Variants in FRAS1 observed in about 807,000 individuals in gnomAD.
FRAS1 encodes extracellular matrix organizing protein FRAS1.
FRAS1 carries 290 observed loss-of-function variants against 435.2 expected under a neutral mutation model. The ratio of observed to expected loss-of-function variants is 0.67; its 90% CI spans 0.61 to 0.73. The LOEUF is 0.73. FRAS1 is among the 30% of genes least tolerant of loss of function. The pLI is 0.00. For missense variants in FRAS1, 4,860 were observed against 5,001.5 expected, an observed-to-expected ratio of 0.97 and a Z score of 0.85; for synonymous variants, 1,800 against 1,851.0, an observed-to-expected ratio of 0.97 and a Z score of 0.71.
At chr4:78,315,796 G>T in intron 16 of FRAS1, 62 bp downstream of exon 16, 1 of 1,569,524 alleles carries the variant, frequency 6.4e-7, no homozygotes, top group Non-Finnish European at 8.7e-7. Flanking sequence ...GACTATACTT[G>T]GTGTTATATG....
chr4:78,515,349 T>C (rs1262637096), intron 65 of FRAS1, among the ~76,000 whole-genome samples: 1 of 128,192 alleles, frequency 7.8e-6, no homozygotes, highest in Non-Finnish European at 1.7e-5. Context: ...TGAGATGGGG[T>C]CTCAAAAAAG....
chr4:78,321,462 C>T (rs564486554), intron 18 of FRAS1, among the ~76,000 whole-genome samples: 3 of 152,290 alleles, frequency 2.0e-5, no homozygotes, highest in Admixed American at 1.3e-4. Flanking sequence ...CATACTAATG[C>T]TTCAGGGTTA....
At chr4:78,281,351 A>C in intron 10 of FRAS1, 47 bp from the exon 11 acceptor site, 1 of 1,310,424 alleles carries the variant, frequency 7.6e-7, no homozygotes, top group Non-Finnish European at 1.1e-6. Context: ...TAATCAGCCT[A>C]ATGGTGTTTT....
chr4:78,494,718 G>GCAGA (rs1720463433), intron 59 of FRAS1, among the ~76,000 whole-genome samples: 11 of 152,062 alleles, frequency 7.2e-5, no homozygotes, highest in Admixed American at 7.2e-4. Context: ...TTTTACCTAT[G>GCAGA]CACTCTCAGC....
rs200344686 is a variant in FRAS1 at position 78,281,426 on chromosome 4, G to C, written c.1100G>C (p.Arg367Pro). The C allele has an allele frequency of 6.4e-7, 1 of 1,567,108 alleles. No individual in the cohort carries two copies. The highest frequency in any genetic ancestry group is 1.2e-5 in the South Asian group (1 of 81,942). The change falls in exon 11 of 74, where the codon CGT becomes CCT. Residue 367 changes from arginine to proline, a missense_variant. Coordinates refer to ENST00000512123, the MANE Select transcript of FRAS1 (RefSeq NM_025074.7). ...FMSSNASEVK[R>P]IPEGEKWEDG... is the part of the protein sequence containing the mutation. ...TCATCAAATGCTAGTGAAGTTAAAC[G>C]TATTCCAGTAAGTATAGCTTTTTAA...
chr4:78,361,219 A>G (rs986050504), intron 20 of FRAS1, among the ~76,000 whole-genome samples: 1 of 152,222 alleles, frequency 6.6e-6, no homozygotes, highest in Non-Finnish European at 1.5e-5. Flanking sequence ...TGCTCCTGGC[A>G]CTGTAAGGAA....
intron 30 of FRAS1, among the ~76,000 whole-genome samples, chr4:78,401,855 A>G (rs1380195041): frequency 1.3e-5 from 2 of 151,620 alleles, no homozygotes; most frequent in Non-Finnish European, 2.9e-5. Flanking sequence ...TTAATCTCAG[A>G]CCAATGATAT....
intron 20 of FRAS1, among the ~76,000 whole-genome samples, chr4:78,362,130 A>G (rs1731092905): frequency 6.6e-6 from 1 of 152,212 alleles, no homozygotes; most frequent in African/African-American, 2.4e-5. Flanking sequence ...TTACAGAGCT[A>G]CTGTGCACTA....
intron 15 of FRAS1, among the ~76,000 whole-genome samples, chr4:78,310,349 T>G (rs1190002244): frequency 2.6e-5 from 4 of 152,202 alleles, no homozygotes; most frequent in Admixed American, 6.5e-5. Context: ...CCACTGAGAC[T>G]CTACATTATC....
chr4:78,199,439 T>C (rs1722956581), intron 2 of FRAS1, among the ~76,000 whole-genome samples: 1 of 152,252 alleles, frequency 6.6e-6, no homozygotes, highest in African/African-American at 2.4e-5. Flanking sequence ...GTTTTCGATC[T>C]ATTTTTATGA....
chr4:78,172,674 A>G (rs1721607662), intron 2 of FRAS1, among the ~76,000 whole-genome samples: 1 of 152,134 alleles, frequency 6.6e-6, no homozygotes, highest in Non-Finnish European at 1.5e-5. Flanking sequence ...TAGTGCATGA[A>G]TAAATTAGTT....
chr4:78,197,228 T>C (rs1038152607), intron 2 of FRAS1, among the ~76,000 whole-genome samples: 1 of 152,206 alleles, frequency 6.6e-6, no homozygotes, highest in East Asian at 1.9e-4. Context: ...ACTGCTGGGG[T>C]TGAAATCCTG....
intron 6 of FRAS1, among the ~76,000 whole-genome samples, chr4:78,262,068 T>A (rs1726134451): frequency 6.6e-6 from 1 of 152,186 alleles, no homozygotes; most frequent in African/African-American, 2.4e-5. Flanking sequence ...GCATGCCACC[T>A]AATCCAAGGG....
chr4:78,372,679 A>G (rs1731561900), intron 23 of FRAS1, 39 bp from the exon 24 acceptor site: 1 of 1,609,090 alleles, frequency 6.2e-7, no homozygotes, highest in Non-Finnish European at 8.5e-7. Flanking sequence ...CTGAGGGTGG[A>G]CAGAAAGGAA....
chr4:78,450,599 T>C (rs956302223), intron 45 of FRAS1: 2 of 445,748 alleles, frequency 4.5e-6, no homozygotes, highest in Admixed American at 3.9e-5. Context: ...AAAAGTTATT[T>C]TGACTTGCTG....
chr4:78,534,021 G>A (rs1047691607), intron 70 of FRAS1, among the ~76,000 whole-genome samples: 1 of 152,162 alleles, frequency 6.6e-6, no homozygotes, highest in Non-Finnish European at 1.5e-5. Context: ...AGGCAAGAGA[G>A]TATCGCCTAG....
chr4:78,115,848 T>C (rs1419243302), intron 2 of FRAS1, among the ~76,000 whole-genome samples: 2 of 152,158 alleles, frequency 1.3e-5, no homozygotes, highest in Non-Finnish European at 2.9e-5. Context: ...TCTCTGATCT[T>C]AGTTATTTTT....
intron 20 of FRAS1, among the ~76,000 whole-genome samples, chr4:78,355,591 A>C (rs2110285844): frequency 6.6e-6 from 1 of 152,372 alleles, no homozygotes; most frequent in African/African-American, 2.4e-5. Flanking sequence ...GGTCAGATGC[A>C]GATGCCTTAC....
At chr4:78,438,796 G>C (rs186403342) in intron 39 of FRAS1, 78 bp downstream of exon 39, 1 of 1,503,764 alleles carries the variant, frequency 6.6e-7, no homozygotes, top group African/African-American at 1.4e-5. Flanking sequence ...TTGTAGCTCT[G>C]TTGAAAGAAT....
Sources: allele counts gnomAD v4.1 joint callset (sites outside exome capture counted in the v4.1 genomes callset), GRCh38; gene constraint gnomAD v4.1.1; transcripts MANE v1.5; gene names NCBI Gene and HGNC (gene_info 2026-07-23, HGNC 2026-07-21).